LIPA: variants seen among roughly 807,000 people sequenced by gnomAD.
The protein encoded by LIPA is lipase A, lysosomal acid type, also known as lysosomal acid lipase/cholesteryl ester hydrolase.
LIPA carries 26 observed loss-of-function variants against 40.6 expected under a neutral mutation model. The observed-to-expected ratio is 0.64, with a 90% CI of 0.47 to 0.89. The LOEUF (loss-of-function observed/expected upper bound fraction) is 0.89. Among genes scored for constraint, LIPA ranks in the 40% least tolerant of loss-of-function variants. The probability of loss-of-function intolerance (pLI) is 0.00; values close to 1 mark genes in which losing one functional copy is unlikely to be tolerated. For synonymous variants in LIPA, 188 were observed against 168.4 expected (o/e 1.12, Z -0.90); for missense variants, 455 against 479.6 (o/e 0.95, Z 0.48).
chr10:89,291,080 A>T (rs1329926724), intron 1 of LIPA, among the ~76,000 whole-genome samples: 3 of 152,172 alleles, frequency 2.0e-5, no homozygotes, highest in African/African-American at 7.2e-5. Context: ...TGTAGGATGT[A>T]GGATGACTTC....
intron 2 of LIPA, among the ~76,000 whole-genome samples, chr10:89,367,751 G>GT (rs1255159554): frequency 1.3e-5 from 2 of 152,162 alleles, no homozygotes; most frequent in Non-Finnish European, 2.9e-5. Context: ...GTTTGTGTGT[G>GT]TATTTGGGTA....
At chr10:89,333,822 G>A (rs2133548984) in intron 1 of LIPA, among the ~76,000 whole-genome samples, 1 of 152,336 alleles carries the variant, frequency 6.6e-6, no homozygotes, top group East Asian at 1.9e-4. Flanking sequence ...CCCCCGGGAG[G>A]TTGTAAGAAA....
chr10:89,341,970 G>T (rs569309259), intron 1 of LIPA, among the ~76,000 whole-genome samples: 2 of 152,192 alleles, frequency 1.3e-5, no homozygotes, highest in Admixed American at 6.5e-5. Flanking sequence ...AAAAAGAAAG[G>T]TAAGTAGCTG....
At chr10:89,328,390 G>C (rs1367694068) in intron 1 of LIPA, among the ~76,000 whole-genome samples, 1 of 152,192 alleles carries the variant, frequency 6.6e-6, no homozygotes, top group Non-Finnish European at 1.5e-5. Context: ...GGCTTGGCAG[G>C]AGCGGTGTAT....
chr10:89,394,629 A>T (rs61853151), intron 2 of LIPA, among the ~76,000 whole-genome samples: 2,538 of 25,972 alleles, frequency 0.098, 369 homozygotes, highest in African/African-American at 0.37. Context: ...TATATATATA[A>T]AACTTGAATT....
At chr10:89,291,745 A>G (rs1353239177) in intron 1 of LIPA, among the ~76,000 whole-genome samples, 1 of 152,204 alleles carries the variant, frequency 6.6e-6, no homozygotes. Context: ...TTAGGGCCAG[A>G]GCAGGATACT....
intron 2 of LIPA, among the ~76,000 whole-genome samples, chr10:89,400,032 ACACC>A (rs1844399867): frequency 6.6e-6 from 1 of 152,212 alleles, no homozygotes; most frequent in African/African-American, 2.4e-5. Context: ...GTTGTTTAAG[ACACC>A]CACTCTGTTA....
rs187517556 is a variant in LIPA, at chr10:89,248,024, C to G, written c.-1-375G>C. ...CTGGGACAACAGGCACGCACCACCA[C>G]GCCTGGCTAATTTTTGTATTTTTGT... On this transcript the variant is annotated intron_variant, in intron 1 of 9. Coordinates refer to ENST00000336233, the MANE Select transcript of LIPA (RefSeq NM_000235.4). Among the ~76,000 whole-genome samples, 190 of 151,720 alleles carry G rather than the reference C, an allele frequency of 1.3e-3. 1 individual carries two copies. The highest frequency in any genetic ancestry group is 1.2e-3 in the Non-Finnish European group (79 of 67,912).
chr10:89,368,641 G>A (rs1844074446), intron 2 of LIPA, among the ~76,000 whole-genome samples: 1 of 152,156 alleles, frequency 6.6e-6, no homozygotes, highest in Admixed American at 6.5e-5. Context: ...CTCAATGTAT[G>A]TAAGATATAA....
upstream of LIPA, among the ~76,000 whole-genome samples, chr10:89,255,180 A>G (rs770612404): frequency 7.2e-5 from 11 of 152,284 alleles, no homozygotes; most frequent in South Asian, 2.3e-3. Flanking sequence ...TTATGCTGCT[A>G]ATAAAGACAT....
intron 2 of LIPA, among the ~76,000 whole-genome samples, chr10:89,381,341 G>A (rs1844161361): frequency 6.6e-6 from 1 of 152,054 alleles, no homozygotes; most frequent in East Asian, 1.9e-4. Context: ...TATTTTCAGT[G>A]AGCATTCTTC....
At chr10:89,225,054 C>A (rs371214210) in intron 6 of LIPA, 38 bp downstream of exon 6, 97 of 1,610,516 alleles carry the variant, frequency 6.0e-5, no homozygotes, top group Non-Finnish European at 7.3e-5. Flanking sequence ...AGGAGGAAAT[C>A]TGCGGGGAGA....
chr10:89,321,873 G>A (rs1336222700), intron 1 of LIPA, among the ~76,000 whole-genome samples: 2 of 152,150 alleles, frequency 1.3e-5, no homozygotes, highest in Non-Finnish European at 2.9e-5. Flanking sequence ...TATACACCAT[G>A]GAATACTATG....
rs747728524 is a variant in LIPA, at chr10:89,307,370, G to A, written c.-2+35241C>T. The A allele has an allele frequency of 2.4e-5, 39 of 1,596,832 alleles. No homozygotes were observed. In the Middle Eastern group the frequency reaches 8.4e-4, roughly 34 times the overall value. On this transcript the variant is annotated intron_variant, in intron 1 of 5. Transcript: ENST00000282673. ...CCCTTCAGCATCAAGCTGGAATGGGGAATGAAGAATAGAGATGTGGTGCCC... is the reference window on the plus strand; with the variant it reads ...CCCTTCAGCATCAAGCTGGAATGGGAAATGAAGAATAGAGATGTGGTGCCC...
chr10:89,402,117 C>T (rs2133628907), intron 2 of LIPA, among the ~76,000 whole-genome samples: 1 of 152,254 alleles, frequency 6.6e-6, no homozygotes, highest in African/African-American at 2.4e-5. Flanking sequence ...GCCAAGCAAA[C>T]AATATCAACA....
chr10:89,413,770 A>AT, intron 1 of LIPA, among the ~76,000 whole-genome samples: 1 of 147,058 alleles, frequency 6.8e-6, no homozygotes, highest in Non-Finnish European at 1.5e-5. Flanking sequence ...CTGTCTCAAA[A>AT]AAAAAAAAAA....
chr10:89,215,429 A>C (rs114495383), intron 9 of LIPA, among the ~76,000 whole-genome samples: 1 of 152,222 alleles, frequency 6.6e-6, no homozygotes, highest in East Asian at 1.9e-4. Context: ...TGGGTGTAAG[A>C]CAAGTCACAG....
At chr10:89,275,958 G>A (rs1843287151) in intron 1 of LIPA, among the ~76,000 whole-genome samples, 1 of 152,136 alleles carries the variant, frequency 6.6e-6, no homozygotes, top group African/African-American at 2.4e-5. Context: ...TATCTTTGAT[G>A]CTGAAGTACA....
chr10:89,413,611 AAATT>A (rs1239598342), intron 1 of LIPA, among the ~76,000 whole-genome samples: 7 of 152,182 alleles, frequency 4.6e-5, no homozygotes, highest in African/African-American at 1.2e-4. Flanking sequence ...TACAAAAAAT[AAATT>A]AATTAGCCCG....
Sources: gnomAD v4.1 joint callset for allele counts (sites outside exome capture counted in the v4.1 genomes callset) on GRCh38, gnomAD v4.1.1 for gene constraint, MANE v1.5 for transcripts, NCBI Gene and HGNC (gene_info 2026-07-23, HGNC 2026-07-21) for gene names.